The following FAM184B variants were observed in gnomAD, a reference collection of about 807,000 sequenced individuals.
The protein encoded by FAM184B is family with sequence similarity 184 member B, also known as protein FAM184B.
Under a neutral mutation model 135.9 loss-of-function variants are expected in FAM184B, and 111 were observed. The observed-to-expected ratio is 0.82, with a 90% CI of 0.70 to 0.96. The LOEUF (loss-of-function observed/expected upper bound fraction) is 0.96, where lower values mean the gene tolerates loss of function less well. Among genes scored for constraint, FAM184B ranks in the 40% least tolerant of loss-of-function variants. The pLI is 0.00. For synonymous variants in FAM184B, 552 were observed against 524.8 expected (o/e 1.05, Z -0.71); for missense variants, 1,375 against 1,323.9 (o/e 1.04, Z -0.60).
At chr4:17,739,984 A>G (rs1350013771) in intron 1 of FAM184B, among the ~76,000 whole-genome samples, 10 of 152,150 alleles carry the variant, frequency 6.6e-5, no homozygotes, top group African/African-American at 2.4e-4. Flanking sequence ...CTAAGTAATA[A>G]AAAGTCCCTC....
chr4:17,651,465 G>A (rs1715613156), intron 11 of FAM184B, among the ~76,000 whole-genome samples: 1 of 148,876 alleles, frequency 6.7e-6, no homozygotes, highest in African/African-American at 2.5e-5. Flanking sequence ...GTGAACCCAG[G>A]AGGCGGAGCT....
chr4:17,700,361 G>A lies in FAM184B; in HGVS notation c.1377+4639C>T, dbSNP rs539181974. Among the ~76,000 whole-genome samples, 137 of 152,102 alleles carry A rather than the reference G, an allele frequency of 9.0e-4. 1 individual carries two copies. The highest frequency in any genetic ancestry group is 3.0e-3 in the African/African-American group (125 of 41,518). ...AAGATACACTAACCGTAAACATGCT[G>A]GAATATACATATATTATCAGACAAA... On this transcript the variant is annotated intron_variant, in intron 5 of 17. Transcript: ENST00000265018.
At chr4:17,716,229 C>T (rs2108969822) in intron 1 of FAM184B, among the ~76,000 whole-genome samples, 1 of 152,242 alleles carries the variant, frequency 6.6e-6, no homozygotes, top group Non-Finnish European at 1.5e-5. Context: ...TGGGACTGCT[C>T]CCCAGGACAT....
At chr4:17,773,896 T>C (rs1439382699) in intron 1 of FAM184B, among the ~76,000 whole-genome samples, 2 of 152,196 alleles carry the variant, frequency 1.3e-5, no homozygotes, top group African/African-American at 4.8e-5. Context: ...GTTTGAGAGA[T>C]GGTTCTTGCA....
rs1297000605 is a variant in FAM184B, at chr4:17,632,049, T to A, written c.*483A>T. The A allele has an allele frequency of 2.9e-4, 2 of 6,904 alleles. No homozygotes were observed. Among genetic ancestry groups the A allele is most frequent in the African/African-American group, 8.6e-4 (1 of 1,168 alleles). The allele number at this position is 6,904 out of a possible 1,614,324, so 0.4% of individuals were successfully genotyped here. ...TAACACTGGTTTAATGTCAATTTTT[T>A]TTTTTTTTTTTTTTTTTTTTTTTTT... On this transcript the variant is annotated 3_prime_UTR_variant, in exon 18 of 18. Transcript: ENST00000265018.
At chr4:17,659,889 T>C in intron 9 of FAM184B, 69 bp downstream of exon 9, 1 of 1,534,546 alleles carries the variant, frequency 6.5e-7, no homozygotes, top group South Asian at 1.2e-5. Context: ...CTGCATGCAT[T>C]TCCAAGTTTG....
chr4:17,740,351 C>CA (rs55801096), intron 1 of FAM184B, among the ~76,000 whole-genome samples: 73,376 of 84,832 alleles, frequency 0.86, 32,039 homozygotes, highest in South Asian at 0.94. Context: ...GACCCTGTCT[C>CA]AAAAAAAAAA....
chr4:17,647,685 GGCTTGCT>G lies in FAM184B; in HGVS notation c.2291_2297del (p.Gln764ProfsTer13). The stretch of plus-strand genomic sequence containing the variant: ...TGCTGTCTCCTGGACACTGGCTGCT[GGCTTGCT>G]GTCTGCCCAGAGCCCTCAGCTCGGC... On this transcript the variant is annotated frameshift_variant, in exon 12 of 18. Transcript: ENST00000265018. LOFTEE classifies it high-confidence loss of function. The G allele has an allele frequency of 1.9e-6, 3 of 1,550,946 alleles. No individual in the cohort carries two copies. The South Asian group carries it at 3.6e-5, about 18-fold the overall frequency.
chr4:17,742,494 G>A (rs1203910303), intron 1 of FAM184B, among the ~76,000 whole-genome samples: 2 of 152,000 alleles, frequency 1.3e-5, no homozygotes, highest in African/African-American at 2.4e-5. Flanking sequence ...GAGTGAAAAC[G>A]GCTGACCCCA....
intron 5 of FAM184B, among the ~76,000 whole-genome samples, chr4:17,700,573 G>A (rs77424363): frequency 1.6e-4 from 25 of 152,278 alleles, no homozygotes; most frequent in South Asian, 6.2e-4. Flanking sequence ...CTCTCTCAGT[G>A]ATCAACAGAA....
intron 7 of FAM184B, among the ~76,000 whole-genome samples, chr4:17,668,816 A>G (rs953199703): frequency 6.6e-6 from 1 of 152,236 alleles, no homozygotes; most frequent in Non-Finnish European, 1.5e-5. Context: ...GATTACAGGC[A>G]TGAGCCACCG....
chr4:17,725,965 C>T (rs1052278558), intron 1 of FAM184B, among the ~76,000 whole-genome samples: 4 of 151,910 alleles, frequency 2.6e-5, no homozygotes, highest in Admixed American at 6.6e-5. Flanking sequence ...GCTCTGTCAC[C>T]CAGGCTGGAG....
At chr4:17,669,244 T>C (rs950285061) in intron 7 of FAM184B, among the ~76,000 whole-genome samples, 1 of 152,194 alleles carries the variant, frequency 6.6e-6, no homozygotes, top group Non-Finnish European at 1.5e-5. Flanking sequence ...AAGGTCCTCC[T>C]GTGCCTCCTA....
intron 1 of FAM184B, among the ~76,000 whole-genome samples, chr4:17,729,652 C>T (rs1717729434): frequency 6.6e-6 from 1 of 152,254 alleles, no homozygotes; most frequent in Admixed American, 6.5e-5. Flanking sequence ...CCCAGGCAAA[C>T]AGGGTCTGGA....
intron 1 of FAM184B, among the ~76,000 whole-genome samples, chr4:17,732,632 A>C (rs1717808725): frequency 6.6e-6 from 1 of 152,242 alleles, no homozygotes; most frequent in South Asian, 2.1e-4. Context: ...CCAAGACTAA[A>C]CAAGGAAGAA....
intron 17 of FAM184B, chr4:17,632,886 A>G (rs1577237729): frequency 6.4e-6 from 2 of 313,394 alleles, no homozygotes; most frequent in South Asian, 4.1e-5. Flanking sequence ...TTGTAGCTCT[A>G]ATAATGCAGG....
At chr4:17,710,287 G>T (rs1008825231) in intron 1 of FAM184B, among the ~76,000 whole-genome samples, 1 of 151,988 alleles carries the variant, frequency 6.6e-6, no homozygotes, top group South Asian at 2.1e-4. Context: ...TCACACCATT[G>T]CACTCCAGCC....
intron 11 of FAM184B, 43 bp from the exon 12 acceptor site, chr4:17,647,834 G>A: frequency 1.3e-6 from 2 of 1,525,744 alleles, no homozygotes; most frequent in Non-Finnish European, 1.8e-6. Context: ...TTGGGTCTAG[G>A]CTGAAGCCTG....
At position 17,704,984 on chromosome 4, in the gene FAM184B, T is replaced by C. The variant is rs930562149; in HGVS notation, c.1377+16A>G. 6.5e-7 allele frequency: 1 copy of C among 1,548,846 alleles called. No homozygotes were observed. Among genetic ancestry groups the C allele is most frequent in the Non-Finnish European group, 8.7e-7 (1 of 1,145,618 alleles). On this transcript the variant is annotated intron_variant, in intron 5 of 17. Coordinates refer to ENST00000265018, the MANE Select transcript of FAM184B (RefSeq NM_015688.2). ...GAAAAAAGAACCAGAACAGTCTCTATGGAAGTAGGTCTCACCCTCTGCAGT... is the reference window on the plus strand; with the variant it reads ...GAAAAAAGAACCAGAACAGTCTCTACGGAAGTAGGTCTCACCCTCTGCAGT...
Sources: allele counts gnomAD v4.1 joint callset (sites outside exome capture counted in the v4.1 genomes callset), GRCh38; gene constraint gnomAD v4.1.1; transcripts MANE v1.5; gene names NCBI Gene and HGNC (gene_info 2026-07-23, HGNC 2026-07-21).